The following CACNB2 variants were observed in gnomAD, a reference collection of about 807,000 sequenced individuals.
The protein encoded by CACNB2 is voltage-dependent L-type calcium channel subunit beta-2.
In CACNB2, 42 loss-of-function variants were observed where a neutral mutation model predicts 73.3. The ratio of observed to expected loss-of-function variants is 0.57; its 90% CI spans 0.45 to 0.74. The LOEUF is 0.74. Among genes scored for constraint, CACNB2 ranks in the 30% least tolerant of loss-of-function variants. The pLI, the probability that CACNB2 is intolerant of heterozygous loss-of-function variation, is 0.00. For missense variants in CACNB2, 940 were observed against 853.0 expected (o/e 1.10, Z -1.27); for synonymous variants, 348 against 310.3 (o/e 1.12, Z -1.28).
chr10:18,424,489 G>A lies in CACNB2; in HGVS notation c.333+22446G>A, dbSNP rs117562108. Among the ~76,000 whole-genome samples, 70 of 152,274 alleles carry A rather than the reference G, an allele frequency of 4.6e-4. 1 individual carries two copies. The East Asian group carries it at 7.3e-3, about 16-fold the overall frequency. ...AAATTGACATGGCACACTGGTGGGC[G>A]TGTCTGATTGAAAGCTGCTTTCCCC... is the stretch of plus-strand genomic sequence containing the variant. On this transcript the variant is annotated intron_variant, in intron 3 of 13. Coordinates refer to ENST00000324631, the MANE Select transcript of CACNB2 (RefSeq NM_201596.3).
chr10:18,454,751 TGATATC>T (rs1482320894), intron 3 of CACNB2, among the ~76,000 whole-genome samples: 1 of 152,172 alleles, frequency 6.6e-6, no homozygotes, highest in African/African-American at 2.4e-5. Context: ...TTCAAAAGTG[TGATATC>T]GATGGATACT....
At chr10:18,503,322 C>T (rs1054884364) in intron 5 of CACNB2, among the ~76,000 whole-genome samples, 1 of 152,122 alleles carries the variant, frequency 6.6e-6, no homozygotes, top group Non-Finnish European at 1.5e-5. Flanking sequence ...TATGGCCAAG[C>T]ACGGTGGCTC....
intron 3 of CACNB2, among the ~76,000 whole-genome samples, chr10:18,442,272 C>T (rs1263429837): frequency 1.3e-5 from 2 of 151,992 alleles, no homozygotes; most frequent in African/African-American, 2.4e-5. Flanking sequence ...GAGTCAGCCT[C>T]ATGGGTACCT....
intron 2 of CACNB2, among the ~76,000 whole-genome samples, chr10:18,157,796 C>G (rs572007695): frequency 6.6e-6 from 1 of 152,316 alleles, no homozygotes; most frequent in South Asian, 2.1e-4. Context: ...CTAAGGAAGA[C>G]ATGCAGAAAA....
intron 3 of CACNB2, among the ~76,000 whole-genome samples, chr10:18,441,510 C>T (rs2046409403): frequency 6.6e-6 from 1 of 152,118 alleles, no homozygotes; most frequent in African/African-American, 2.4e-5. Flanking sequence ...TCATCTTTTT[C>T]TTTTTGTTAC....
intron 3 of CACNB2, among the ~76,000 whole-genome samples, chr10:18,411,599 C>A (rs1187607891): frequency 2.7e-5 from 4 of 150,112 alleles, no homozygotes; most frequent in Admixed American, 6.7e-5. Flanking sequence ...GCCTCTGCCT[C>A]CTGGGTTCAA....
intron 3 of CACNB2, among the ~76,000 whole-genome samples, chr10:18,443,524 A>C (rs764081843): frequency 1.3e-5 from 2 of 151,912 alleles, no homozygotes; most frequent in African/African-American, 2.4e-5. Flanking sequence ...TGTAGACCCA[A>C]CTCCTCAGAT....
intron 1 of CACNB2, among the ~76,000 whole-genome samples, chr10:18,145,435 A>T (rs1588536348): frequency 6.6e-6 from 1 of 151,706 alleles, no homozygotes. Context: ...CTAATGTGAC[A>T]TGGGAGAAAT....
chr10:18,539,287 G>GCTGAAGAAGAACCTAGTGTGGAACC lies in CACNB2; in HGVS notation c.1547_1571dup (p.Val525Ter). The GCTGAAGAAGAACCTAGTGTGGAACC allele has an allele frequency of 6.2e-7, 1 of 1,614,002 alleles. No individual in the cohort carries two copies. Among genetic ancestry groups the GCTGAAGAAGAACCTAGTGTGGAACC allele is most frequent in the East Asian group, 2.2e-5 (1 of 44,850 alleles). ...CGCTCCTATCCGTTCTGCTTCCCAA[G>GCTGAAGAAGAACCTAGTGTGGAACC]CTGAAGAAGAACCTAGTGTGGAACC... On this transcript the variant is annotated frameshift_variant, in exon 14 of 14. Coordinates refer to ENST00000324631, the MANE Select transcript of CACNB2 (RefSeq NM_201596.3). LOFTEE classifies it high-confidence loss of function.
At chr10:18,162,775 G>T (rs2032562353) in intron 2 of CACNB2, among the ~76,000 whole-genome samples, 2 of 152,210 alleles carry the variant, frequency 1.3e-5, no homozygotes, top group African/African-American at 4.8e-5. Flanking sequence ...CCTGGAGGAA[G>T]TATGTGTTCA....
intron 2 of CACNB2, among the ~76,000 whole-genome samples, chr10:18,205,173 G>A (rs2035039413): frequency 6.6e-6 from 1 of 152,138 alleles, no homozygotes; most frequent in African/African-American, 2.4e-5. Context: ...ACAGTTATCT[G>A]TCCAGTGGTT....
chr10:18,215,350 C>A (rs964730593), intron 2 of CACNB2, among the ~76,000 whole-genome samples: 2 of 152,076 alleles, frequency 1.3e-5, no homozygotes, highest in South Asian at 2.1e-4. Context: ...GACGGTGAGA[C>A]CAGACATTTT....
intron 7 of CACNB2, 101 bp downstream of exon 7, chr10:18,514,470 G>T (rs754983745): frequency 1.9e-6 from 3 of 1,613,550 alleles, no homozygotes; most frequent in East Asian, 4.5e-5. Context: ...AGCCAATAAC[G>T]TGCATGCTCT....
chr10:18,515,050 T>A, intron 7 of CACNB2: 1 of 1,605,144 alleles, frequency 6.2e-7, no homozygotes, highest in Non-Finnish European at 8.5e-7. Context: ...CTGTGAGTTT[T>A]TCCTATTGTC....
chr10:18,426,769 A>G (rs2045620050), intron 3 of CACNB2, among the ~76,000 whole-genome samples: 1 of 152,170 alleles, frequency 6.6e-6, no homozygotes, highest in South Asian at 2.1e-4. Flanking sequence ...CGTACTGGCT[A>G]GACTCCTCAC....
At chr10:18,204,666 G>T (rs78940953) in intron 2 of CACNB2, among the ~76,000 whole-genome samples, 1 of 152,116 alleles carries the variant, frequency 6.6e-6, no homozygotes, top group Admixed American at 6.6e-5. Context: ...CAAAACTATG[G>T]CATGATAGAT....
At chr10:18,182,519 TAA>T (rs35363073) in intron 2 of CACNB2, among the ~76,000 whole-genome samples, 28,184 of 145,280 alleles carry the variant, frequency 0.19, 2,895 homozygotes, top group South Asian at 0.27. Context: ...GGAAGAAGAT[TAA>T]AAAAAAAAAA....
intron 9 of CACNB2, among the ~76,000 whole-genome samples, chr10:18,522,557 G>C (rs1365715297): frequency 6.6e-6 from 1 of 152,124 alleles, no homozygotes; most frequent in East Asian, 1.9e-4. Context: ...AGGAAGGAAA[G>C]TTTTATAGGA....
At chr10:18,267,294 A>G (rs1004132996) in intron 2 of CACNB2, among the ~76,000 whole-genome samples, 20 of 152,202 alleles carry the variant, frequency 1.3e-4, no homozygotes, top group African/African-American at 4.8e-4. Context: ...ACCTCACTAC[A>G]TAATGACATT....
Sources: gnomAD v4.1 joint callset for allele counts (sites outside exome capture counted in the v4.1 genomes callset) on GRCh38, gnomAD v4.1.1 for gene constraint, MANE v1.5 for transcripts, NCBI Gene and HGNC (gene_info 2026-07-23, HGNC 2026-07-21) for gene names.